CFAP91: variants seen among roughly 807,000 people sequenced by gnomAD.
The protein encoded by CFAP91 is cilia and flagella associated protein 91.
Under a neutral mutation model 95.9 loss-of-function variants are expected in CFAP91, and 85 were observed. That is an observed-to-expected ratio of 0.89 (90% CI 0.74 to 1.06). The LOEUF (loss-of-function observed/expected upper bound fraction) is 1.06. Ranked by LOEUF, CFAP91 falls within the 50% of genes least tolerant of loss-of-function variation. The pLI, the probability that CFAP91 is intolerant of heterozygous loss-of-function variation, is 0.00. For missense variants in CFAP91, 962 were observed against 943.4 expected (o/e 1.02, Z -0.26); for synonymous variants, 335 against 327.5 (o/e 1.02, Z -0.25).
chr3:119,715,426 T>G, intron 5 of CFAP91, 136 bp from the exon 6 acceptor site: 1 of 791,432 alleles, frequency 1.3e-6, no homozygotes, highest in Non-Finnish European at 2.2e-6. Context: ...TATAATGGAT[T>G]CATGATTTTG....
rs757063877 is a variant in CFAP91 at position 119,725,600 on chromosome 3, A to G, written c.683-571A>G. Among the ~76,000 whole-genome samples the G allele has an allele frequency of 1.0e-3, 159 of 152,166 alleles. 3 individuals carry two copies. Among genetic ancestry groups the G allele is most frequent in the Admixed American group, 2.6e-3 (40 of 15,280 alleles). ...GAAACCTTGTCTCTACAAAAAAATAAAAATAAATTAGCCAGGTGTGGTGGC... is the reference window on the plus strand; with the variant it reads ...GAAACCTTGTCTCTACAAAAAAATAGAAATAAATTAGCCAGGTGTGGTGGC... On this transcript the variant is annotated intron_variant, in intron 6 of 17. Coordinates refer to ENST00000273390, the MANE Select transcript of CFAP91 (RefSeq NM_033364.4).
chr3:119,744,335 A>G (rs2054182348), intron 14 of CFAP91, 139 bp downstream of exon 14: 3 of 633,852 alleles, frequency 4.7e-6, no homozygotes, highest in Non-Finnish European at 8.0e-6. Flanking sequence ...CTACAGAGGC[A>G]CTGTGGGAAA....
At chr3:119,723,726 A>G (rs2053727665) in intron 6 of CFAP91, among the ~76,000 whole-genome samples, 1 of 152,224 alleles carries the variant, frequency 6.6e-6, no homozygotes, top group Non-Finnish European at 1.5e-5. Context: ...GCACAAAAAT[A>G]CGAGGTTCAG....
At chr3:119,736,520 C>T (rs2054010934) in intron 10 of CFAP91, among the ~76,000 whole-genome samples, 1 of 152,072 alleles carries the variant, frequency 6.6e-6, no homozygotes, top group African/African-American at 2.4e-5. Flanking sequence ...TCGTGATCCA[C>T]CCTCCTCGGC....
chr3:119,707,671 C>T, intron 3 of CFAP91, 110 bp downstream of exon 3: 2 of 967,898 alleles, frequency 2.1e-6, no homozygotes, highest in Non-Finnish European at 2.7e-6. Flanking sequence ...TATACCTAGG[C>T]CAAATTTTCT....
At chr3:119,746,363 C>G (rs1414536287) in intron 14 of CFAP91, among the ~76,000 whole-genome samples, 1 of 152,144 alleles carries the variant, frequency 6.6e-6, no homozygotes, top group Non-Finnish European at 1.5e-5. Flanking sequence ...CTTTTAAAAT[C>G]TGTATCCTAT....
Position 119,736,550 on chromosome 3 carries a change from G to A in CFAP91, c.1345-816G>A, listed in dbSNP as rs982053074. ...CTCGGCCTCCCAAAGTGCTGGGATC[G>A]CAGGCGTGAGCCACCGCGCCCGGCC... On this transcript the variant is annotated intron_variant, in intron 10 of 17. Coordinates refer to ENST00000273390, the MANE Select transcript of CFAP91 (RefSeq NM_033364.4). Among the ~76,000 whole-genome samples, 3 of 151,998 alleles carry A rather than the reference G, an allele frequency of 2.0e-5. No individual in the cohort carries two copies. In the East Asian group the frequency reaches 5.8e-4, roughly 29 times the overall value.
intron 17 of CFAP91, among the ~76,000 whole-genome samples, chr3:119,758,789 C>T (rs1351349322): frequency 6.6e-6 from 1 of 152,004 alleles, no homozygotes. Context: ...GGAAAAATCT[C>T]ATTTTCAAAG....
intron 1 of CFAP91, 35 bp downstream of exon 1, chr3:119,703,257 C>T: frequency 4.4e-6 from 7 of 1,606,766 alleles, no homozygotes; most frequent in Non-Finnish European, 5.9e-6. Flanking sequence ...CCGCGTCCGT[C>T]GCCTCCTAGG....
Position 119,715,687 on chromosome 3 carries a change from A to G in CFAP91, c.626A>G (p.Tyr209Cys). 1.2e-6 allele frequency: 2 copies of G among 1,613,914 alleles called. No homozygotes were observed. Among genetic ancestry groups the G allele is most frequent in the Non-Finnish European group, 1.7e-6 (2 of 1,179,790 alleles). ...DVQTDPYSAE[Y>C]VVCQDSIPEL... ...CAAACAGATCCATACTCTGCAGAATATGTAGTATGTCAGGACTCAATCCCT... is the reference window on the plus strand; with the variant it reads ...CAAACAGATCCATACTCTGCAGAATGTGTAGTATGTCAGGACTCAATCCCT... The change falls in exon 6 of 18, where the codon TAT becomes TGT. Residue 209 changes from tyrosine (Y) to cysteine (C), a missense_variant. By Grantham distance (194) the Tyr-to-Cys change is radical. Coordinates refer to ENST00000273390, the MANE Select transcript of CFAP91 (RefSeq NM_033364.4).
chr3:119,719,156 T>G (rs1386213444), intron 6 of CFAP91, among the ~76,000 whole-genome samples: 4 of 152,226 alleles, frequency 2.6e-5, no homozygotes, highest in African/African-American at 9.6e-5. Context: ...GATGTGTATA[T>G]AATTGCGTAT....
At chr3:119,721,873 T>C (rs1180423035) in intron 6 of CFAP91, among the ~76,000 whole-genome samples, 1 of 152,148 alleles carries the variant, frequency 6.6e-6, no homozygotes, top group Non-Finnish European at 1.5e-5. Context: ...GAGAGAAATA[T>C]CCAATTAGAA....
At chr3:119,704,395 G>A (rs1417692311) in intron 1 of CFAP91, among the ~76,000 whole-genome samples, 1 of 152,180 alleles carries the variant, frequency 6.6e-6, no homozygotes, top group East Asian at 1.9e-4. Context: ...AGGAAGCGAA[G>A]TATAGCCAGG....
rs766350523 is a variant in CFAP91 at position 119,737,480 on chromosome 3, A to G, written c.1459A>G (p.Asn487Asp). 4 of 1,578,806 alleles carry G rather than the reference A, an allele frequency of 2.5e-6. No individual in the cohort carries two copies. The East Asian group carries it at 6.7e-5, about 27-fold the overall frequency. The change falls in exon 11 of 18, where the codon AAT becomes GAT. Residue 487 changes from asparagine (N) to aspartate (D), a missense_variant and splice_region_variant. Physicochemically the swap from Asn to Asp is conservative, Grantham distance 23. Transcript: ENST00000273390. ...LPTPTLEMTS[N>D]EEEEMEMAVI... ...AACTCCAACCTTGGAAATGACGTCC[A>G]ATGTAAGTTGGAAACTTTTTAGTTG...
chr3:119,741,517 A>G (rs1188949588), intron 13 of CFAP91, among the ~76,000 whole-genome samples: 1 of 152,248 alleles, frequency 6.6e-6, no homozygotes, highest in East Asian at 1.9e-4. Flanking sequence ...CGCCTGACAC[A>G]GCTAAGAATT....
At position 119,765,386 on chromosome 3, in the gene CFAP91, G is replaced by A. The variant is rs1032039200; in HGVS notation, c.*336G>A. 2.0e-5 allele frequency: 3 copies of A among 152,104 alleles called. No homozygotes were observed. Among genetic ancestry groups the A allele is most frequent in the African/African-American group, 7.2e-5 (3 of 41,410 alleles). 9.4% of individuals were successfully genotyped at this position (152,104 alleles called of 1,614,324 possible). A position where few individuals can be genotyped will look rare whatever the true frequency, so the allele number is the denominator to read the frequency against. Reference sequence around the variant, plus strand: ...TGGAATATTTTTCCAAGTAGTTTTGGTTCACTATTCACAGGACATTGGCAT... The same window carrying A: ...TGGAATATTTTTCCAAGTAGTTTTGATTCACTATTCACAGGACATTGGCAT... On this transcript the variant is annotated 3_prime_UTR_variant, in exon 18 of 18. Transcript: ENST00000273390.
At chr3:119,731,730 T>C (rs1333924307) in intron 8 of CFAP91, among the ~76,000 whole-genome samples, 1 of 152,206 alleles carries the variant, frequency 6.6e-6, no homozygotes, top group East Asian at 1.9e-4. Context: ...GTGATGGGAT[T>C]TGAGAGAAAA....
Position 119,707,527 on chromosome 3 carries a change from G to A in CFAP91, c.325G>A (p.Glu109Lys), listed in dbSNP as rs2053388944. ...FISREWKGHKEKHREALRQLT... is the reference protein window; with the variant it reads ...FISREWKGHKKKHREALRQLT... ...CAGTCGGGAATGGAAGGGACATAAG[G>A]AGAAACACAGAGAAGCCCTCCGGCA... The change falls in exon 3 of 18, where the codon GAG becomes AAG. Residue 109 changes from glutamate to lysine, a missense_variant. Glu to Lys is a moderately conservative substitution (Grantham distance 56). Coordinates refer to ENST00000273390, the MANE Select transcript of CFAP91 (RefSeq NM_033364.4). 6.3e-7 allele frequency: 1 copy of A among 1,588,816 alleles called. No individual in the cohort carries two copies. The highest frequency in any genetic ancestry group is 8.6e-7 in the Non-Finnish European group (1 of 1,162,666).
At chr3:119,738,967 A>G (rs1376119177) in intron 11 of CFAP91, among the ~76,000 whole-genome samples, 1 of 152,212 alleles carries the variant, frequency 6.6e-6, no homozygotes, top group East Asian at 1.9e-4. Context: ...ATTTTGCTGG[A>G]AAGGAATATA....
Sources: allele counts gnomAD v4.1 joint callset (sites outside exome capture counted in the v4.1 genomes callset), GRCh38; gene constraint gnomAD v4.1.1; transcripts MANE v1.5; gene names NCBI Gene and HGNC (gene_info 2026-07-23, HGNC 2026-07-21).